NRG1: variants seen among roughly 807,000 people sequenced by gnomAD.
The protein encoded by NRG1 is neuregulin 1.
NRG1 carries 18 observed loss-of-function variants against 63.8 expected under a neutral mutation model. The observed-to-expected ratio is 0.28, with a 90% CI of 0.19 to 0.42. The LOEUF (loss-of-function observed/expected upper bound fraction) is 0.42. NRG1 is among the 10% of genes least tolerant of loss of function. The pLI is 1.00. For synonymous variants in NRG1, 302 were observed against 301.3 expected, an observed-to-expected ratio of 1.00 and a Z score of -0.02; for missense variants, 762 against 814.7, an observed-to-expected ratio of 0.94 and a Z score of 0.79.
intron 1 of NRG1, among the ~76,000 whole-genome samples, chr8:31,901,593 T>C (rs559102071): frequency 6.6e-6 from 1 of 152,188 alleles, no homozygotes; most frequent in Non-Finnish European, 1.5e-5. Context: ...TAAAAAGTTG[T>C]ACTAAATGAT....
At chr8:32,762,473 CAGAG>C (rs966911585) in intron 11 of NRG1, among the ~76,000 whole-genome samples, 2 of 152,094 alleles carry the variant, frequency 1.3e-5, no homozygotes, top group Non-Finnish European at 2.9e-5. Flanking sequence ...TAGCATTTCT[CAGAG>C]AGCTTAATTT....
intron 5 of NRG1, among the ~76,000 whole-genome samples, chr8:32,701,762 T>G (rs557068759): frequency 6.6e-6 from 1 of 152,348 alleles, no homozygotes; most frequent in African/African-American, 2.4e-5. Flanking sequence ...CCCTGATTTA[T>G]TCCATGAACA....
At chr8:31,668,539 G>A (rs1427491727) in intron 1 of NRG1, among the ~76,000 whole-genome samples, 1 of 152,134 alleles carries the variant, frequency 6.6e-6, no homozygotes, top group East Asian at 1.9e-4. Context: ...GAAATTCAAT[G>A]GATCACAAAG....
chr8:32,009,641 A>G (rs1040875398), intron 1 of NRG1, among the ~76,000 whole-genome samples: 6 of 152,066 alleles, frequency 3.9e-5, no homozygotes, highest in African/African-American at 1.4e-4. Context: ...CCTTTGAGCA[A>G]AATCGTGAAG....
intron 1 of NRG1, among the ~76,000 whole-genome samples, chr8:32,032,564 C>T (rs1818428589): frequency 6.6e-6 from 1 of 152,288 alleles, no homozygotes; most frequent in South Asian, 2.1e-4. Flanking sequence ...CCTCACTCAG[C>T]CATGAATATC....
rs73576666 is a variant in NRG1 at position 32,211,745 on chromosome 8, A to G, written c.38-384083A>G. Among the ~76,000 whole-genome samples the G allele has an allele frequency of 2.7e-3, 417 of 152,126 alleles. 2 individuals are homozygous for G. The highest frequency in any genetic ancestry group is 9.3e-3 in the African/African-American group (385 of 41,490). On this transcript the variant is annotated intron_variant, in intron 1 of 10. Coordinates refer to the NRG1 transcript ENST00000519301. ...ACTCTATTACTGCCTTTTATCCTTG[A>G]TTATAGTTTCTTCCATCACACAGCA...
chr8:32,262,097 A>C (rs538509099), intron 1 of NRG1, among the ~76,000 whole-genome samples: 1 of 152,322 alleles, frequency 6.6e-6, no homozygotes, highest in South Asian at 2.1e-4. Context: ...TATTACTTAC[A>C]TGCAAGATTG....
intron 1 of NRG1, among the ~76,000 whole-genome samples, chr8:31,788,336 T>A (rs1820377260): frequency 6.6e-6 from 1 of 152,176 alleles, no homozygotes; most frequent in Admixed American, 6.6e-5. Context: ...TTTTATTCAA[T>A]TAATATATTT....
At chr8:32,271,496 C>A (rs1033844119) in intron 1 of NRG1, among the ~76,000 whole-genome samples, 1 of 151,956 alleles carries the variant, frequency 6.6e-6, no homozygotes, top group Non-Finnish European at 1.5e-5. Context: ...ACTCCTTTTT[C>A]TTCTATATAA....
chr8:31,735,845 C>T (rs936918673), intron 1 of NRG1, among the ~76,000 whole-genome samples: 1 of 152,194 alleles, frequency 6.6e-6, no homozygotes, highest in Non-Finnish European at 1.5e-5. Context: ...TCTTACACCT[C>T]ATATCCCATC....
chr8:31,967,811 A>G (rs952056478), intron 1 of NRG1, among the ~76,000 whole-genome samples: 1 of 152,230 alleles, frequency 6.6e-6, no homozygotes, highest in Non-Finnish European at 1.5e-5. Flanking sequence ...CACTAAAAAA[A>G]AGTGCAGCCA....
intron 1 of NRG1, among the ~76,000 whole-genome samples, chr8:32,188,905 A>G (rs1332803826): frequency 1.3e-5 from 2 of 152,104 alleles, no homozygotes; most frequent in Non-Finnish European, 2.9e-5. Context: ...GCACATGTAT[A>G]CATATGTAAC....
intron 1 of NRG1, among the ~76,000 whole-genome samples, chr8:32,114,975 C>T (rs777970934): frequency 3.3e-5 from 5 of 151,950 alleles, no homozygotes; most frequent in African/African-American, 4.8e-5. Context: ...ATATAGCAGG[C>T]TCTTGAATAA....
At chr8:32,315,190 A>C (rs1406766026) in intron 1 of NRG1, among the ~76,000 whole-genome samples, 1 of 152,058 alleles carries the variant, frequency 6.6e-6, no homozygotes, top group Non-Finnish European at 1.5e-5. Context: ...CTTCACCTAG[A>C]TATTAAGCCC....
chr8:32,702,535 G>A (rs1407922343), intron 5 of NRG1, among the ~76,000 whole-genome samples: 1 of 152,208 alleles, frequency 6.6e-6, no homozygotes, highest in African/African-American at 2.4e-5. Context: ...GGCCCAGGCT[G>A]GAGTGCAGTG....
At chr8:32,715,638 GC>G (rs1818991717) in intron 5 of NRG1, among the ~76,000 whole-genome samples, 2 of 74,536 alleles carry the variant, frequency 2.7e-5, no homozygotes, top group Admixed American at 1.5e-4. Context: ...AATAAATCAG[GC>G]CCTTTTTTTT....
At chr8:32,471,148 CT>C (rs1487159944) in intron 1 of NRG1, among the ~76,000 whole-genome samples, 1 of 152,198 alleles carries the variant, frequency 6.6e-6, no homozygotes, top group African/African-American at 2.4e-5. Context: ...AGCCAATTCC[CT>C]TCACTTGTCC....
chr8:31,897,437 T>G (rs1831665080), intron 1 of NRG1, among the ~76,000 whole-genome samples: 1 of 152,160 alleles, frequency 6.6e-6, no homozygotes, highest in South Asian at 2.1e-4. Context: ...AAATTATGGT[T>G]TTTTGCCATA....
chr8:32,596,332 G>A (rs575320263), intron 2 of NRG1, among the ~76,000 whole-genome samples: 1 of 152,188 alleles, frequency 6.6e-6, no homozygotes, highest in East Asian at 1.9e-4. Context: ...TGGCCGGGAT[G>A]GTGGCTCACA....
Sources: allele counts gnomAD v4.1 joint callset (sites outside exome capture counted in the v4.1 genomes callset), GRCh38; gene constraint gnomAD v4.1.1; transcripts MANE v1.5; gene names NCBI Gene and HGNC (gene_info 2026-07-23, HGNC 2026-07-21).